Variants in ENTPD5 observed in about 807,000 individuals in gnomAD.
ENTPD5 encodes the protein ectonucleoside triphosphate diphosphohydrolase 5 (inactive), also known as nucleoside diphosphate phosphatase ENTPD5.
In ENTPD5, 49 loss-of-function variants were observed where a neutral mutation model predicts 60.2. The ratio of observed to expected loss-of-function variants is 0.81; its 90% CI spans 0.65 to 1.03. The LOEUF (loss-of-function observed/expected upper bound fraction) is 1.03, where lower values mean the gene tolerates loss of function less well. Ranked by LOEUF, ENTPD5 falls within the 50% of genes least tolerant of loss-of-function variation. The probability of loss-of-function intolerance (pLI) is 0.00; values close to 1 mark genes in which losing one functional copy is unlikely to be tolerated. For missense variants in ENTPD5, 480 were observed against 507.6 expected (o/e 0.95, Z 0.52); for synonymous variants, 187 against 185.4 (o/e 1.01, Z -0.07).
rs1256132054 is a variant in ENTPD5 at position 73,963,645 on chromosome 14, A to G, written c.*3283T>C. 6.5e-6 allele frequency: 1 copy of G among 152,766 alleles called. No homozygotes were observed. Among genetic ancestry groups the G allele is most frequent in the Admixed American group, 6.5e-5 (1 of 15,332 alleles). 9.5% of individuals were successfully genotyped at this position (152,766 alleles called of 1,614,324 possible). A position where few individuals can be genotyped will look rare whatever the true frequency, so the allele number is the denominator to read the frequency against. ...CCGAAGACCTCAGGAACCAGATCAC[A>G]AGGGAAACCGATTAGCAGCAGAATT... On this transcript the variant is annotated 3_prime_UTR_variant, in exon 16 of 16. Transcript: ENST00000334696.
chr14:74,013,398 C>T (rs1279680084), intron 2 of ENTPD5, among the ~76,000 whole-genome samples: 3 of 152,194 alleles, frequency 2.0e-5, no homozygotes, highest in African/African-American at 7.2e-5. Flanking sequence ...TTAGTCAAAA[C>T]CCACAGCCCA....
intron 3 of ENTPD5, among the ~76,000 whole-genome samples, chr14:73,999,267 T>A (rs1281339695): frequency 7.3e-6 from 1 of 137,798 alleles, no homozygotes; most frequent in Non-Finnish European, 1.6e-5. Flanking sequence ...GTGGGTGGAT[T>A]ACCTCAAGTT....
chr14:73,967,150 C>T, intron 15 of ENTPD5, 136 bp from the exon 16 acceptor site: 2 of 675,768 alleles, frequency 3.0e-6, no homozygotes, highest in Non-Finnish European at 5.1e-6. Context: ...CCAGTCTTTG[C>T]AGGCTTCCCA....
In ENTPD5 at chr14:73,976,415, G is replaced by C. The variant is rs760346790; in HGVS notation, c.554-3C>G. On this transcript the variant is annotated splice_polypyrimidine_tract_variant and splice_region_variant and intron_variant, in intron 8 of 15. Coordinates refer to ENST00000334696, the MANE Select transcript of ENTPD5 (RefSeq NM_001249.5). ...CTGTCTGTGGCCATGCAGCTGACCTGTCAAATGAGAGCCAGCTCTAAATAG... is the reference window on the plus strand; with the variant it reads ...CTGTCTGTGGCCATGCAGCTGACCTCTCAAATGAGAGCCAGCTCTAAATAG... 6.2e-7 allele frequency: 1 copy of C among 1,613,546 alleles called. No individual in the cohort carries two copies.
At chr14:73,961,753 C>T, downstream of ENTPD5, 1 of 1,614,172 alleles carries the variant, frequency 6.2e-7, no homozygotes, top group Non-Finnish European at 8.5e-7. Flanking sequence ...TGAGCCACCT[C>T]ACAGGTTATG....
chr14:73,958,494 A>G, downstream of ENTPD5: 8 of 1,383,966 alleles, frequency 5.8e-6, no homozygotes, highest in Non-Finnish European at 7.5e-6. Context: ...TTGTGAAATA[A>G]CAGATAGCTG....
chr14:74,013,185 C>T (rs766945447), intron 2 of ENTPD5, among the ~76,000 whole-genome samples: 44 of 152,320 alleles, frequency 2.9e-4, no homozygotes, highest in African/African-American at 7.5e-4. Context: ...CTGATGTTAC[C>T]GGTCTGTGGA....
chr14:73,966,375 C>G lies in ENTPD5; in HGVS notation c.*553G>C, dbSNP rs2056970199. ...TATTAATATTTAGGATGGCTCTCAG[C>G]TGGCTGATTGGAGCTAACACAGAAT... On this transcript the variant is annotated 3_prime_UTR_variant, in exon 16 of 16. Coordinates refer to ENST00000334696, the MANE Select transcript of ENTPD5 (RefSeq NM_001249.5). 1 of 152,216 alleles carries G rather than the reference C, an allele frequency of 6.6e-6. No individual in the cohort carries two copies. Among genetic ancestry groups the G allele is most frequent in the African/African-American group, 2.4e-5 (1 of 41,448 alleles). The allele number at this position is 152,216 out of a possible 1,614,324, so 9.4% of individuals were successfully genotyped here.
At chr14:73,993,926 A>C (rs986758754) in intron 3 of ENTPD5, among the ~76,000 whole-genome samples, 38 of 76,856 alleles carry the variant, frequency 4.9e-4, no homozygotes, top group South Asian at 2.1e-3. Flanking sequence ...AAAAACAAAC[A>C]AAAAAAAACA....
chr14:73,993,928 A>AC (rs947313693), intron 3 of ENTPD5, among the ~76,000 whole-genome samples: 12 of 123,950 alleles, frequency 9.7e-5, no homozygotes, highest in South Asian at 2.8e-4. Context: ...AAACAAACAA[A>AC]AAAAAACAAA....
intron 6 of ENTPD5, among the ~76,000 whole-genome samples, chr14:73,980,974 CT>C (rs2057665103): frequency 6.6e-6 from 1 of 151,962 alleles, no homozygotes; most frequent in Admixed American, 6.6e-5. Flanking sequence ...TGGCGCACGC[CT>C]GTAGTCCCAG....
At chr14:73,955,565 G>T, downstream of ENTPD5, 1 of 1,521,014 alleles carries the variant, frequency 6.6e-7, no homozygotes, top group Non-Finnish European at 9.1e-7. Flanking sequence ...TTAAGATATC[G>T]GAGTCCACTT....
At chr14:73,996,504 T>TA (rs34404213) in intron 3 of ENTPD5, 18,367 of 135,112 alleles carry the variant, frequency 0.14, 1,382 homozygotes, top group Admixed American at 0.21. Flanking sequence ...CTTGGTCTCT[T>TA]AAAAAAAAAA....
intron 11 of ENTPD5, 108 bp from the exon 12 acceptor site, chr14:73,974,086 T>A: frequency 1.2e-6 from 1 of 805,588 alleles, no homozygotes. Context: ...GGCTGGGCCT[T>A]AAAATCCTAT....
chr14:73,997,782 T>C (rs1181190646), intron 3 of ENTPD5, among the ~76,000 whole-genome samples: 1 of 152,142 alleles, frequency 6.6e-6, no homozygotes, highest in Non-Finnish European at 1.5e-5. Flanking sequence ...ATGGTATCTT[T>C]TGTATTACCA....
chr14:73,957,858 C>T (rs955159388), downstream of ENTPD5, among the ~76,000 whole-genome samples: 2 of 152,148 alleles, frequency 1.3e-5, no homozygotes, highest in Admixed American at 6.6e-5. Flanking sequence ...CAAACACGGG[C>T]TCATTTAAGC....
At chr14:73,957,660 G>A (rs182690177), downstream of ENTPD5, among the ~76,000 whole-genome samples, 5 of 152,108 alleles carry the variant, frequency 3.3e-5, no homozygotes, top group Admixed American at 2.0e-4. Flanking sequence ...GAACTCCTGG[G>A]CTCAAGTGAT....
At chr14:73,980,726 T>C (rs985876949) in intron 6 of ENTPD5, among the ~76,000 whole-genome samples, 7 of 152,382 alleles carry the variant, frequency 4.6e-5, no homozygotes, top group Admixed American at 2.6e-4. Context: ...ATTCTGCTTA[T>C]ATTCTTCACA....
Position 73,963,266 on chromosome 14 carries a change from A to C in ENTPD5, c.*3662T>G, listed in dbSNP as rs1478266511. 14 of 559,880 alleles carry C rather than the reference A, an allele frequency of 2.5e-5. No individual in the cohort carries two copies. Among genetic ancestry groups the C allele is most frequent in the Admixed American group, 6.9e-5 (2 of 29,068 alleles). 34.7% of individuals were successfully genotyped at this position (559,880 alleles called of 1,614,324 possible). A position where few individuals can be genotyped will look rare whatever the true frequency, so the allele number is the denominator to read the frequency against. On this transcript the variant is annotated 3_prime_UTR_variant, in exon 16 of 16. Transcript: ENST00000334696. The stretch of plus-strand genomic sequence containing the variant: ...AGAGCTTTTTATTACTAAAAAACCC[A>C]CAAGGTGCTGTCTCACTCATTTCCA...
Sources: allele counts gnomAD v4.1 joint callset (sites outside exome capture counted in the v4.1 genomes callset), GRCh38; gene constraint gnomAD v4.1.1; transcripts MANE v1.5; gene names NCBI Gene and HGNC (gene_info 2026-07-23, HGNC 2026-07-21).